LPAR3: variants seen among roughly 807,000 people sequenced by gnomAD.
The protein encoded by LPAR3 is LPA receptor 3.
A neutral mutation model predicts 17.8 loss-of-function variants in LPAR3; 7 were observed. The observed-to-expected ratio is 0.39, with a 90% CI of 0.22 to 0.74. The LOEUF is 0.74. LPAR3 is among the 30% of genes least tolerant of loss of function. LPAR3 has a pLI of 0.40. For synonymous variants in LPAR3, 179 were observed against 179.9 expected, an observed-to-expected ratio of 0.99 and a Z score of 0.04; for missense variants, 391 against 453.4, an observed-to-expected ratio of 0.86 and a Z score of 1.25.
intron 1 of LPAR3, among the ~76,000 whole-genome samples, chr1:84,886,727 A>G (rs1378669680): frequency 1.3e-5 from 2 of 152,174 alleles, no homozygotes; most frequent in Non-Finnish European, 2.9e-5. Context: ...TATATAAAAT[A>G]TAAATAAGAC....
chr1:84,888,690 T>C (rs1660501902), intron 1 of LPAR3, among the ~76,000 whole-genome samples: 1 of 152,224 alleles, frequency 6.6e-6, no homozygotes, highest in East Asian at 1.9e-4. Context: ...GACCGCATGT[T>C]TGCTTGGAAG....
intron 2 of LPAR3, among the ~76,000 whole-genome samples, chr1:84,863,022 T>C (rs1481225196): frequency 6.6e-6 from 1 of 151,526 alleles, no homozygotes. Context: ...CGAAACCACA[T>C]GTCTTCTTGG....
At chr1:84,820,508 G>A (rs1346279661) in intron 2 of LPAR3, among the ~76,000 whole-genome samples, 1 of 152,174 alleles carries the variant, frequency 6.6e-6, no homozygotes, top group Admixed American at 6.6e-5. Flanking sequence ...GAGAAATAGC[G>A]TGAAGCATCT....
intron 1 of LPAR3, among the ~76,000 whole-genome samples, chr1:84,873,590 T>C (rs1660198387): frequency 1.3e-5 from 2 of 152,168 alleles, no homozygotes; most frequent in Admixed American, 1.3e-4. Context: ...ATAAAGCGAA[T>C]ATGTTTATTA....
At chr1:84,864,781 C>T (rs1029844353) in intron 2 of LPAR3, among the ~76,000 whole-genome samples, 2 of 151,298 alleles carry the variant, frequency 1.3e-5, no homozygotes, top group Non-Finnish European at 2.9e-5. Context: ...AGTGAGGCTC[C>T]GGCAAAAAAA....
intron 2 of LPAR3, among the ~76,000 whole-genome samples, chr1:84,843,991 T>G (rs376105511): frequency 6.6e-5 from 10 of 152,342 alleles, no homozygotes; most frequent in Admixed American, 4.6e-4. Flanking sequence ...CTCCCCACTT[T>G]CTTACCAGAG....
intron 1 of LPAR3, among the ~76,000 whole-genome samples, chr1:84,874,767 T>C (rs567295574): frequency 1.5e-4 from 23 of 152,300 alleles, no homozygotes; most frequent in African/African-American, 3.9e-4. Context: ...AAGATGCTAA[T>C]CAAAATGCTT....
At chr1:84,830,059 T>A (rs1356391980) in intron 2 of LPAR3, among the ~76,000 whole-genome samples, 1 of 152,154 alleles carries the variant, frequency 6.6e-6, no homozygotes, top group Admixed American at 6.6e-5. Context: ...GGCAATGACA[T>A]CTCAGAAGAA....
intron 1 of LPAR3, among the ~76,000 whole-genome samples, chr1:84,881,625 A>G (rs185609905): frequency 6.6e-6 from 1 of 152,326 alleles, no homozygotes; most frequent in East Asian, 1.9e-4. Flanking sequence ...AAATAACTAC[A>G]GTCCAAGAAA....
At chr1:84,870,956 A>C (rs1435417058) in intron 1 of LPAR3, among the ~76,000 whole-genome samples, 1 of 152,248 alleles carries the variant, frequency 6.6e-6, no homozygotes, top group East Asian at 1.9e-4. Flanking sequence ...GCTATAAAAA[A>C]TAGAGGGCAT....
intron 2 of LPAR3, among the ~76,000 whole-genome samples, chr1:84,836,015 T>TCTTTC (rs200447072): frequency 4.5e-5 from 6 of 134,646 alleles, no homozygotes; most frequent in African/African-American, 1.8e-4. Flanking sequence ...CCTTTTTTTT[T>TCTTTC]TTTTTTTTTT....
At chr1:84,868,745 C>A (rs1203799834) in intron 1 of LPAR3, among the ~76,000 whole-genome samples, 1 of 152,132 alleles carries the variant, frequency 6.6e-6, no homozygotes, top group African/African-American at 2.4e-5. Flanking sequence ...CAGCATTTGC[C>A]CCCTTCTGGA....
At chr1:84,850,989 T>C (rs899391769) in intron 2 of LPAR3, among the ~76,000 whole-genome samples, 8 of 152,186 alleles carry the variant, frequency 5.3e-5, no homozygotes, top group Non-Finnish European at 1.2e-4. Flanking sequence ...CTCCCAGCAC[T>C]GGGAGGAGGG....
rs138034301 is a variant in LPAR3, at chr1:84,874,656, T to C, written c.-18-8518A>G. On this transcript the variant is annotated intron_variant, in intron 1 of 2. Coordinates refer to ENST00000370611, the MANE Select transcript of LPAR3 (RefSeq NM_012152.3). ...CAAACATAACACAAATCTTTACTTGTGTTTGCTTTATATAAAATTTTAATA... is the reference window on the plus strand; with the variant it reads ...CAAACATAACACAAATCTTTACTTGCGTTTGCTTTATATAAAATTTTAATA... 5.9e-5 allele frequency among the ~76,000 whole-genome samples: 9 copies of C among 152,320 alleles called. No homozygotes were observed. The East Asian group carries it at 1.7e-3, about 29-fold the overall frequency.
chr1:84,841,951 C>A (rs1659511062), intron 2 of LPAR3, among the ~76,000 whole-genome samples: 1 of 151,984 alleles, frequency 6.6e-6, no homozygotes. Flanking sequence ...CACTTAGGAG[C>A]TACTGGCTGC....
chr1:84,832,960 A>G (rs1659317744), intron 2 of LPAR3, among the ~76,000 whole-genome samples: 1 of 152,248 alleles, frequency 6.6e-6, no homozygotes, highest in Admixed American at 6.5e-5. Flanking sequence ...CAAAATGTGT[A>G]AACAAAAATA....
chr1:84,813,318 C>A lies in LPAR3; in HGVS notation c.*528G>T, dbSNP rs1327038064. On this transcript the variant is annotated 3_prime_UTR_variant, in exon 3 of 3. Transcript: ENST00000370611. ...CCTTCAGTTAAAAATCAGGTTTAAT[C>A]TGGAGCTCTTACTGATTTTTCTTTG... The A allele has an allele frequency of 6.6e-6, 1 of 151,962 alleles. No homozygotes were observed. Among genetic ancestry groups the A allele is most frequent in the Non-Finnish European group, 1.5e-5 (1 of 68,306 alleles). 9.4% of individuals were successfully genotyped at this position (151,962 alleles called of 1,614,324 possible). A position where few individuals can be genotyped will look rare whatever the true frequency, so the allele number is the denominator to read the frequency against.
chr1:84,815,758 C>T (rs1255689832), intron 2 of LPAR3, among the ~76,000 whole-genome samples: 3 of 152,140 alleles, frequency 2.0e-5, no homozygotes, highest in Admixed American at 6.5e-5. Context: ...GAAAGTGGTA[C>T]CCAACACTGT....
At chr1:84,836,424 T>C (rs117903548) in intron 2 of LPAR3, among the ~76,000 whole-genome samples, 3,535 of 150,796 alleles carry the variant, frequency 0.023, 69 homozygotes, top group Admixed American at 0.036. Context: ...AGTTAACCAA[T>C]ATAAATTCAT....
Sources: allele counts gnomAD v4.1 joint callset (sites outside exome capture counted in the v4.1 genomes callset), GRCh38; gene constraint gnomAD v4.1.1; transcripts MANE v1.5; gene names NCBI Gene and HGNC (gene_info 2026-07-23, HGNC 2026-07-21).